Variants in CLYBL observed in about 807,000 individuals in gnomAD.
The protein encoded by CLYBL is citramalyl-CoA lyase, mitochondrial.
In CLYBL, 31 loss-of-function variants were observed where a neutral mutation model predicts 38.9. The ratio of observed to expected loss-of-function variants is 0.80; its 90% CI spans 0.60 to 1.08. The LOEUF is 1.08. Among genes scored for constraint, CLYBL ranks in the 50% least tolerant of loss-of-function variants. The pLI, the probability that CLYBL is intolerant of heterozygous loss-of-function variation, is 0.00. For missense variants in CLYBL, 434 were observed against 411.6 expected (o/e 1.05, Z -0.47); for synonymous variants, 171 against 158.6 (o/e 1.08, Z -0.59).
At chr13:99,836,807 G>A (rs1037868355) in intron 2 of CLYBL, among the ~76,000 whole-genome samples, 5 of 151,486 alleles carry the variant, frequency 3.3e-5, no homozygotes, top group South Asian at 2.1e-4. Context: ...ACCAAACACC[G>A]CATGTTCTCA....
At chr13:99,641,767 G>A (rs2047098467) in intron 1 of CLYBL, among the ~76,000 whole-genome samples, 1 of 151,900 alleles carries the variant, frequency 6.6e-6, no homozygotes, top group Non-Finnish European at 1.5e-5. Flanking sequence ...AGCTGAGATC[G>A]CACCACTGCA....
intron 8 of CLYBL, among the ~76,000 whole-genome samples, chr13:99,902,334 T>G (rs560242058): frequency 1.3e-5 from 2 of 152,358 alleles, no homozygotes; most frequent in South Asian, 2.1e-4. Context: ...AAAAGCGTTT[T>G]TAAAATATGA....
chr13:99,788,502 T>G (rs1177317473), intron 2 of CLYBL, among the ~76,000 whole-genome samples: 11 of 152,226 alleles, frequency 7.2e-5, no homozygotes. Flanking sequence ...TGGATTACCT[T>G]TATTGATTTG....
intron 1 of CLYBL, among the ~76,000 whole-genome samples, chr13:99,674,592 G>A (rs2047616520): frequency 6.6e-6 from 1 of 152,142 alleles, no homozygotes; most frequent in African/African-American, 2.4e-5. Context: ...TGGACACAGA[G>A]CTGACTGAGC....
chr13:99,703,561 G>C (rs899213515), intron 1 of CLYBL, among the ~76,000 whole-genome samples: 1 of 152,066 alleles, frequency 6.6e-6, no homozygotes, highest in South Asian at 2.1e-4. Flanking sequence ...AGTAGAGACG[G>C]TATTTCACCG....
intron 1 of CLYBL, among the ~76,000 whole-genome samples, chr13:99,692,292 T>G (rs1566611515): frequency 1.7e-3 from 231 of 134,730 alleles, no homozygotes; most frequent in African/African-American, 5.4e-3. Flanking sequence ...TTTTGTTTTT[T>G]TTTTTTTGTT....
chr13:99,862,315 G>C (rs1717302761), intron 3 of CLYBL, among the ~76,000 whole-genome samples: 2 of 152,110 alleles, frequency 1.3e-5, no homozygotes, highest in Non-Finnish European at 2.9e-5. Flanking sequence ...TGAAGAGGGG[G>C]AGGAATCTGG....
At chr13:99,890,644 T>C (rs1441327082) in intron 7 of CLYBL, among the ~76,000 whole-genome samples, 4 of 152,110 alleles carry the variant, frequency 2.6e-5, no homozygotes, top group Non-Finnish European at 5.9e-5. Context: ...TTTTTTGTAT[T>C]TTTATTAGAG....
rs114266813 is a variant in CLYBL at position 99,684,279 on chromosome 13, G to C, written c.62+77522G>C. Among the ~76,000 whole-genome samples, 488 of 139,006 alleles carry C rather than the reference G, an allele frequency of 3.5e-3. 5 individuals are homozygous for C. The highest frequency in any genetic ancestry group is 0.013 in the African/African-American group (467 of 35,788). 91.2% of individuals were successfully genotyped at this position (139,006 alleles called of 152,430 possible). A position where few individuals can be genotyped will look rare whatever the true frequency, so the allele number is the denominator to read the frequency against. ...TCTGCAACCTCTGTCTCTCAGGTTT[G>C]AGCAATTCTCGTGCCTCAGCCTCCC... is the stretch of plus-strand genomic sequence containing the variant. On this transcript the variant is annotated intron_variant, in intron 1 of 8. Transcript: ENST00000339105.
At chr13:99,675,511 A>G (rs1335796685) in intron 1 of CLYBL, among the ~76,000 whole-genome samples, 2 of 152,176 alleles carry the variant, frequency 1.3e-5, no homozygotes, top group Non-Finnish European at 2.9e-5. Context: ...TGTTCCCATT[A>G]GCAGTCACTC....
intron 2 of CLYBL, among the ~76,000 whole-genome samples, chr13:99,781,019 A>G (rs891304206): frequency 2.0e-5 from 3 of 150,532 alleles, no homozygotes; most frequent in African/African-American, 4.9e-5. Flanking sequence ...CGGCTAATCC[A>G]TTGACTTTTA....
intron 2 of CLYBL, among the ~76,000 whole-genome samples, chr13:99,829,843 T>G (rs1245484502): frequency 6.6e-6 from 1 of 152,190 alleles, no homozygotes; most frequent in African/African-American, 2.4e-5. Flanking sequence ...CGCTTGAGTG[T>G]ATAAGCTCCG....
chr13:99,729,498 C>G (rs558177339), intron 1 of CLYBL, among the ~76,000 whole-genome samples: 2 of 152,194 alleles, frequency 1.3e-5, no homozygotes, highest in South Asian at 2.1e-4. Flanking sequence ...GGATCTGCTT[C>G]GGGCTAAATA....
chr13:99,841,381 A>G (rs544856468), intron 2 of CLYBL, among the ~76,000 whole-genome samples: 34 of 143,120 alleles, frequency 2.4e-4, no homozygotes, highest in African/African-American at 8.8e-4. Flanking sequence ...AACAGGAGAA[A>G]AACACATACA....
chr13:99,821,573 TG>T (rs2050589588), intron 2 of CLYBL, among the ~76,000 whole-genome samples: 1 of 152,216 alleles, frequency 6.6e-6, no homozygotes, highest in Admixed American at 6.5e-5. Flanking sequence ...ACTACATATA[TG>T]TGGTCAAAGC....
At chr13:99,661,632 T>G (rs2047410786) in intron 1 of CLYBL, among the ~76,000 whole-genome samples, 1 of 152,216 alleles carries the variant, frequency 6.6e-6, no homozygotes, top group Admixed American at 6.5e-5. Flanking sequence ...TCCAAGTATA[T>G]TAAACATAAG....
At chr13:99,805,456 G>T in intron 2 of CLYBL, among the ~76,000 whole-genome samples, 1 of 151,962 alleles carries the variant, frequency 6.6e-6, no homozygotes, top group East Asian at 1.9e-4. Context: ...GGAAGTCACG[G>T]ATAAAAACAA....
At chr13:99,767,881 C>A (rs149397069) in intron 1 of CLYBL, among the ~76,000 whole-genome samples, 1 of 152,224 alleles carries the variant, frequency 6.6e-6, no homozygotes, top group Non-Finnish European at 1.5e-5. Context: ...TCCTTTAGTT[C>A]TTTGAGCATC....
intron 1 of CLYBL, among the ~76,000 whole-genome samples, chr13:99,621,899 T>A (rs4771338): frequency 6.6e-6 from 1 of 151,996 alleles, no homozygotes; most frequent in Non-Finnish European, 1.5e-5. Context: ...TGTTAACTTA[T>A]GCTTCTGCAG....
Sources: gnomAD v4.1 joint callset for allele counts (sites outside exome capture counted in the v4.1 genomes callset) on GRCh38, gnomAD v4.1.1 for gene constraint, MANE v1.5 for transcripts, NCBI Gene and HGNC (gene_info 2026-07-23, HGNC 2026-07-21) for gene names.